The following SPATA2 variants were observed in gnomAD, a reference collection of about 807,000 sequenced individuals.
SPATA2 encodes spermatogenesis-associated protein 2.
In SPATA2, 8 loss-of-function variants were observed where a neutral mutation model predicts 35.4. The observed-to-expected ratio is 0.23, with a 90% CI of 0.13 to 0.41. SPATA2 has a LOEUF of 0.41. SPATA2 is among the 10% of genes least tolerant of loss of function. The probability of loss-of-function intolerance (pLI) is 1.00; values close to 1 mark genes in which losing one functional copy is unlikely to be tolerated. For synonymous variants in SPATA2, 293 were observed against 300.9 expected (o/e 0.97, Z 0.27); for missense variants, 650 against 698.7 (o/e 0.93, Z 0.79).
intron 2 of SPATA2, among the ~76,000 whole-genome samples, chr20:49,907,169 T>A (rs1357390591): frequency 6.6e-6 from 1 of 152,192 alleles, no homozygotes; most frequent in East Asian, 1.9e-4. Flanking sequence ...CAAGCGATTC[T>A]CCTGCCTCAG....
rs781514632 is a variant in SPATA2 at position 49,905,649 on chromosome 20, G to A, written c.1533C>T (p.Ser511=). 3.1e-6 allele frequency: 5 copies of A among 1,614,242 alleles called. No homozygotes were observed. The Admixed American group carries it at 6.7e-5, about 22-fold the overall frequency. ...TGTACACGAGATGGGAGAGCTGGGTGGACTTGTAGTTCAGCTGGTTGTTGG... is the reference window on the plus strand; with the variant it reads ...TGTACACGAGATGGGAGAGCTGGGTAGACTTGTAGTTCAGCTGGTTGTTGG... ...FMPNNQLNYK[S]TQLSHLVYR The change falls in exon 3 of 3, where the codon TCC becomes TCT. Residue 511 remains serine (S), a synonymous_variant. Coordinates refer to ENST00000289431, the MANE Select transcript of SPATA2 (RefSeq NM_006038.4).
intron 2 of SPATA2, among the ~76,000 whole-genome samples, chr20:49,907,473 AT>A (rs2090154625): frequency 6.6e-6 from 1 of 152,172 alleles, no homozygotes; most frequent in African/African-American, 2.4e-5. Flanking sequence ...AAGGGGCCAG[AT>A]TACAGGCAGA....
chr20:49,905,742 A>G lies in SPATA2; in HGVS notation c.1440T>C (p.Cys480=). The change falls in exon 3 of 3, where the codon TGT becomes TGC. Residue 480 remains cysteine (C), a synonymous_variant. Transcript: ENST00000289431. ...NTCTQCSKVS[C]DACLSAYHYD... is the part of the protein sequence containing the mutation. Reference sequence around the variant, plus strand: ...AATGGTAAGCGCTGAGGCAGGCGTCACATGAGACTTTTGAACACTGGGTGC... The same window carrying G: ...AATGGTAAGCGCTGAGGCAGGCGTCGCATGAGACTTTTGAACACTGGGTGC... 1 of 1,614,288 alleles carries G rather than the reference A, an allele frequency of 6.2e-7. No individual in the cohort carries two copies. Among genetic ancestry groups the G allele is most frequent in the African/African-American group, 1.3e-5 (1 of 75,086 alleles).
At chr20:49,911,148 C>T (rs534639244) in intron 1 of SPATA2, among the ~76,000 whole-genome samples, 3 of 152,350 alleles carry the variant, frequency 2.0e-5, no homozygotes, top group African/African-American at 7.2e-5. Flanking sequence ...AGGTACCACC[C>T]TATCTCACCT....
chr20:49,905,580 G>T lies in SPATA2; in HGVS notation c.*39C>A. ...CTTCACCGTGAAACCCGAAAGGTCG[G>T]TTGATGTAGCCCTTGGAGCTGGAAG... On this transcript the variant is annotated 3_prime_UTR_variant, in exon 3 of 3. Coordinates refer to ENST00000289431, the MANE Select transcript of SPATA2 (RefSeq NM_006038.4). The T allele has an allele frequency of 6.2e-7, 1 of 1,602,174 alleles. No homozygotes were observed. Among genetic ancestry groups the T allele is most frequent in the Non-Finnish European group, 8.5e-7 (1 of 1,172,056 alleles).
chr20:49,914,437 T>A (rs562471911), intron 1 of SPATA2, among the ~76,000 whole-genome samples: 2 of 151,960 alleles, frequency 1.3e-5, no homozygotes, highest in African/African-American at 2.4e-5. Flanking sequence ...GGTTTACACA[T>A]CCCTGGTCTA....
At chr20:49,907,311 G>A (rs762913519) in intron 2 of SPATA2, among the ~76,000 whole-genome samples, 3 of 152,078 alleles carry the variant, frequency 2.0e-5, no homozygotes, top group African/African-American at 4.8e-5. Context: ...CACCCGCCTC[G>A]GCCTCCCAAT....
rs1237141032 is a variant in SPATA2, at chr20:49,903,931, ATATATATATATATATATATATT to A, written c.*1666_*1687del. ...TATATATATATATATATATATATAT[ATATATATATATATATATATATT>A]AAAAAGAGAGCCATAGAAGATTTGG... is the stretch of plus-strand genomic sequence containing the variant. On this transcript the variant is annotated 3_prime_UTR_variant, in exon 3 of 3. Transcript: ENST00000289431. 2.9e-4 allele frequency: 25 copies of A among 85,120 alleles called. No individual in the cohort carries two copies. Among genetic ancestry groups the A allele is most frequent in the South Asian group, 1.3e-3 (3 of 2,278 alleles). The allele number at this position is 85,120 out of a possible 1,614,324, so 5.3% of individuals were successfully genotyped here. A position where few individuals can be genotyped will look rare whatever the true frequency, so the allele number is the denominator to read the frequency against.
chr20:49,906,564 G>T lies in SPATA2; in HGVS notation c.618C>A (p.Gly206=). 1 of 1,614,036 alleles carries T rather than the reference G, an allele frequency of 6.2e-7. No individual in the cohort carries two copies. The highest frequency in any genetic ancestry group is 8.5e-7 in the Non-Finnish European group (1 of 1,180,016). ...ERKSSAEDVR[G]CSDALRRRAE... is the part of the protein sequence containing the mutation. ...CCCGCCGCCGCAGGGCGTCCGAGCA[G>T]CCGCGCACATCCTCTGCACTGCTCT... is the stretch of plus-strand genomic sequence containing the variant. The change falls in exon 3 of 3, where the codon GGC becomes GGA. Residue 206 remains glycine (G), a synonymous_variant. Coordinates refer to ENST00000289431, the MANE Select transcript of SPATA2 (RefSeq NM_006038.4). The surrounding 1 kb of genome is among the most constrained non-coding windows in gnomAD (Gnocchi z 8.2).
At chr20:49,914,451 CCAT>C (rs1450141390) in intron 1 of SPATA2, among the ~76,000 whole-genome samples, 1 of 152,092 alleles carries the variant, frequency 6.6e-6, no homozygotes, top group African/African-American at 2.4e-5. Context: ...TGGTCTAGCT[CCAT>C]CAGCCTCCAA....
rs1425695498 is a variant in SPATA2 at position 49,903,591 on chromosome 20, G to A, written c.*2028C>T. ...TCGTATTCCAGTCTGTGACCACAGT[G>A]CGTCCGTGATGACAGGTACACTGGA... On this transcript the variant is annotated 3_prime_UTR_variant, in exon 3 of 3. Coordinates refer to ENST00000289431, the MANE Select transcript of SPATA2 (RefSeq NM_006038.4). The A allele has an allele frequency of 1.3e-5, 2 of 152,160 alleles. No individual in the cohort carries two copies. The highest frequency in any genetic ancestry group is 2.4e-5 in the African/African-American group (1 of 41,438). 9.4% of individuals were successfully genotyped at this position (152,160 alleles called of 1,614,324 possible).
In SPATA2 at chr20:49,908,254, G is replaced by A; in HGVS notation, c.237C>T (p.Ser79=). Residue 79 remains serine (S), a synonymous_variant, in exon 2 of 3, where the codon TCC becomes TCT. Transcript: ENST00000289431. ...CGCCGTGCAGAGCCCGCAGGCTAGA[G>A]GAGCTGAGCGAGCGCAAGGAGCTCT... ...VVESSLRSLS[S]SSLRALHGAF... 4 of 1,614,166 alleles carry A rather than the reference G, an allele frequency of 2.5e-6. No individual in the cohort carries two copies. The highest frequency in any genetic ancestry group is 3.4e-6 in the Non-Finnish European group (4 of 1,180,020).
intron 1 of SPATA2, among the ~76,000 whole-genome samples, chr20:49,914,100 C>T (rs2090196307): frequency 6.6e-6 from 1 of 151,842 alleles, no homozygotes; most frequent in Non-Finnish European, 1.5e-5. Context: ...CAGAGACAGG[C>T]AGGTGCCCAG....
intron 1 of SPATA2, among the ~76,000 whole-genome samples, chr20:49,914,560 C>T (rs1184229446): frequency 6.6e-6 from 1 of 152,166 alleles, no homozygotes; most frequent in East Asian, 1.9e-4. Context: ...ATCCAAGGCA[C>T]CTTCCACTGG....
intron 1 of SPATA2, among the ~76,000 whole-genome samples, chr20:49,912,766 G>A (rs2090188319): frequency 6.6e-6 from 1 of 152,012 alleles, no homozygotes; most frequent in South Asian, 2.1e-4. Flanking sequence ...TAAAGGAAAG[G>A]GATCCAAACA....
Position 49,903,550 on chromosome 20 carries a change from G to A in SPATA2, c.*2069C>T, listed in dbSNP as rs1241043194. On this transcript the variant is annotated 3_prime_UTR_variant, in exon 3 of 3. Coordinates refer to ENST00000289431, the MANE Select transcript of SPATA2 (RefSeq NM_006038.4). Reference sequence around the variant, plus strand: ...CATCCAGTAAGATGCACACCTGGGAGCAGGGCTGTAGTATTTCGTATTCCA... The same window carrying A: ...CATCCAGTAAGATGCACACCTGGGAACAGGGCTGTAGTATTTCGTATTCCA... 6.6e-6 allele frequency: 1 copy of A among 152,180 alleles called. No individual in the cohort carries two copies. Among genetic ancestry groups the A allele is most frequent in the African/African-American group, 2.4e-5 (1 of 41,442 alleles). 9.4% of individuals were successfully genotyped at this position (152,180 alleles called of 1,614,324 possible).
chr20:49,910,123 C>T (rs1279502584), intron 1 of SPATA2, among the ~76,000 whole-genome samples: 2 of 152,142 alleles, frequency 1.3e-5, no homozygotes, highest in Admixed American at 6.5e-5. Flanking sequence ...GGAGCGAATC[C>T]GGATTAATGG....
chr20:49,905,847 G>T lies in SPATA2; in HGVS notation c.1335C>A (p.His445Gln). The change falls in exon 3 of 3, where the codon CAC (histidine) becomes CAA (glutamine). Residue 445 changes from histidine to glutamine, a missense_variant. By Grantham distance (24) the His-to-Gln change is conservative. Transcript: ENST00000289431. ...TGGAGGGCTTGGATTTGGAGTGAAG[G>T]TGCGGGAGGCGGTCGAGGCCCTGAG... ...GQTQGLDRLPHLHSKSKPSTT... is the reference protein window; with the variant it reads ...GQTQGLDRLPQLHSKSKPSTT... 1 of 1,614,110 alleles carries T rather than the reference G, an allele frequency of 6.2e-7. No individual in the cohort carries two copies. The highest frequency in any genetic ancestry group is 1.1e-5 in the South Asian group (1 of 91,086).
chr20:49,907,410 C>T (rs1258400757), intron 2 of SPATA2, among the ~76,000 whole-genome samples: 2 of 152,126 alleles, frequency 1.3e-5, no homozygotes, highest in African/African-American at 4.8e-5. Context: ...CCTAGTGGGG[C>T]ACGAAGACTC....
Sources: allele counts gnomAD v4.1 joint callset (sites outside exome capture counted in the v4.1 genomes callset), GRCh38; gene constraint gnomAD v4.1.1; non-coding constraint Gnocchi (gnomAD v3.1); transcripts MANE v1.5; gene names NCBI Gene and HGNC (gene_info 2026-07-23, HGNC 2026-07-21).